Variants in LCP2 observed in about 807,000 individuals in gnomAD.
The protein encoded by LCP2 is 76 kDa tyrosine phosphoprotein.
Under a neutral mutation model 74.5 loss-of-function variants are expected in LCP2, and 29 were observed. The ratio of observed to expected loss-of-function variants is 0.39; its 90% confidence interval spans 0.29 to 0.53. The LOEUF (loss-of-function observed/expected upper bound fraction) is 0.53, where lower values mean the gene tolerates loss of function less well. Ranked by LOEUF, LCP2 falls within the 20% of genes least tolerant of loss-of-function variation. The pLI is 0.72. For synonymous variants in LCP2, 228 were observed against 229.5 expected (o/e 0.99, Z 0.06); for missense variants, 604 against 634.6 (o/e 0.95, Z 0.52).
chr5:170,264,766 T>G (rs1203642021), intron 10 of LCP2, among the ~76,000 whole-genome samples: 4 of 151,926 alleles, frequency 2.6e-5, no homozygotes, highest in Admixed American at 1.3e-4. Flanking sequence ...GTCACTGCAC[T>G]CCAGCCTAGG....
intron 5 of LCP2, among the ~76,000 whole-genome samples, chr5:170,274,758 T>C (rs1409914848): frequency 1.3e-5 from 2 of 151,972 alleles, no homozygotes; most frequent in African/African-American, 2.4e-5. Context: ...GGGCAGATCA[T>C]GAGGTCAGGA....
At chr5:170,261,654 C>T (rs1761657037) in intron 13 of LCP2, among the ~76,000 whole-genome samples, 1 of 152,178 alleles carries the variant, frequency 6.6e-6, no homozygotes, top group African/African-American at 2.4e-5. Context: ...GAAAATGTTG[C>T]TGCTTTGGGA....
chr5:170,253,346 A>G, intron 17 of LCP2, 133 bp from the exon 18 acceptor site: 1 of 530,364 alleles, frequency 1.9e-6, no homozygotes, highest in South Asian at 3.2e-5. Flanking sequence ...GCATTTTAAG[A>G]AACAAGGGCT....
chr5:170,268,537 G>T (rs901057042), intron 7 of LCP2, 55 bp from the exon 8 acceptor site: 1 of 211,590 alleles, frequency 4.7e-6, no homozygotes. Context: ...AAGCTCAGGG[G>T]TCTCCAGGAA....
At chr5:170,284,028 A>T (rs1326105566) in intron 3 of LCP2, among the ~76,000 whole-genome samples, 2 of 152,214 alleles carry the variant, frequency 1.3e-5, no homozygotes, top group Admixed American at 6.5e-5. Flanking sequence ...TGTCCTGAGG[A>T]TGAGGATTCT....
rs77242342 is a variant in LCP2, at chr5:170,285,746, C to T, written c.188+2224G>A. On this transcript the variant is annotated intron_variant, in intron 3 of 20. Transcript: ENST00000046794. ...TACTGTTGGGTAGTTCTTTTGCCAC[C>T]TACAGGTAGTCTCTCCTTTCATGCA... 5.3e-5 allele frequency among the ~76,000 whole-genome samples: 8 copies of T among 152,290 alleles called. No individual in the cohort carries two copies. The East Asian group carries it at 1.5e-3, about 29-fold the overall frequency.
intron 14 of LCP2, among the ~76,000 whole-genome samples, chr5:170,260,132 T>C (rs559431517): frequency 8.0e-4 from 122 of 152,332 alleles, no homozygotes; most frequent in South Asian, 2.1e-3. Context: ...CTCCCTATCA[T>C]TGAATGACCA....
At chr5:170,250,911 T>C (rs1281596313) in intron 19 of LCP2, 26 bp from the exon 20 acceptor site, 4 of 1,605,266 alleles carry the variant, frequency 2.5e-6, no homozygotes, top group African/African-American at 1.3e-5. Flanking sequence ...CCTGTTATTA[T>C]GGGAGCAGTA....
chr5:170,270,872 C>G lies in LCP2; in HGVS notation c.370G>C (p.Asp124His). 6.2e-7 allele frequency: 1 copy of G among 1,613,040 alleles called. No individual in the cohort carries two copies. The highest frequency in any genetic ancestry group is 8.5e-7 in the Non-Finnish European group (1 of 1,179,462). ...ESPNDDQDGE[D>H]DGDYESPNEE... ...TTGGGGGACTCATAGTCTCCATCAT[C>G]CTCCCCATCCTGGTCATCATTGGGA... Residue 124 changes from aspartate (D) to histidine (H), a missense_variant, in exon 7 of 21, where the codon GAT becomes CAT. Coordinates refer to ENST00000046794, the MANE Select transcript of LCP2 (RefSeq NM_005565.5).
At position 170,289,956 on chromosome 5, in the gene LCP2, T is replaced by A. The variant is rs6883687; in HGVS notation, c.142-1940A>T. On this transcript the variant is annotated intron_variant, in intron 2 of 20. Coordinates refer to ENST00000046794, the MANE Select transcript of LCP2 (RefSeq NM_005565.5). ...AGACGAGGGCGTAAGCTGAGGGAAT[T>A]TCAGGAAGATTGTGGAGGAGGAGGT... is the stretch of plus-strand genomic sequence containing the variant. Among the ~76,000 whole-genome samples, 276 of 152,080 alleles carry A rather than the reference T, an allele frequency of 1.8e-3. 2 individuals are homozygous for A. The highest frequency in any genetic ancestry group is 6.3e-3 in the African/African-American group (263 of 41,444).
chr5:170,254,004 T>C (rs1026025146), intron 17 of LCP2, among the ~76,000 whole-genome samples: 1 of 152,252 alleles, frequency 6.6e-6, no homozygotes, highest in Non-Finnish European at 1.5e-5. Flanking sequence ...AGAAAAATTC[T>C]GTGAGTCAAA....
intron 18 of LCP2, among the ~76,000 whole-genome samples, chr5:170,252,913 C>T (rs1761477588): frequency 6.6e-6 from 1 of 152,168 alleles, no homozygotes. Flanking sequence ...ATGCAAAACA[C>T]ATGTTTGCCA....
In LCP2 at chr5:170,256,250, G is replaced by T. The variant is rs898900526; in HGVS notation, c.1150+276C>A. Among the ~76,000 whole-genome samples, 2 of 152,084 alleles carry T rather than the reference G, an allele frequency of 1.3e-5. No individual in the cohort carries two copies. Among genetic ancestry groups the T allele is most frequent in the African/African-American group, 4.8e-5 (2 of 41,410 alleles). ...TACCTGTGTGCACATGTATATATGT[G>T]TACATGTGTATGCATGTGTGTGTGT... is the stretch of plus-strand genomic sequence containing the variant. On this transcript the variant is annotated intron_variant, in intron 17 of 20. Coordinates refer to ENST00000046794, the MANE Select transcript of LCP2 (RefSeq NM_005565.5). The surrounding 1 kb of genome is among the most constrained non-coding windows in gnomAD (Gnocchi z 4.5).
chr5:170,274,459 A>C (rs1581067860), intron 5 of LCP2, 121 bp from the exon 6 acceptor site: 2 of 961,954 alleles, frequency 2.1e-6, no homozygotes, highest in Admixed American at 2.0e-5. Context: ...GCCTCCACCT[A>C]CCTCCCACAC....
intron 3 of LCP2, among the ~76,000 whole-genome samples, chr5:170,276,911 A>C (rs1762016028): frequency 6.6e-6 from 1 of 151,850 alleles, no homozygotes; most frequent in Admixed American, 6.6e-5. Flanking sequence ...CCCCGTCTCT[A>C]CTAAAAATAC....
At position 170,262,647 on chromosome 5, in the gene LCP2, G is replaced by A; in HGVS notation, c.914C>T (p.Pro305Leu). 6.2e-7 allele frequency: 1 copy of A among 1,612,626 alleles called. No homozygotes were observed. Among genetic ancestry groups the A allele is most frequent in the Non-Finnish European group, 8.5e-7 (1 of 1,178,882 alleles). Residue 305 changes from proline (P) to leucine (L), a missense_variant, in exon 13 of 21, where the codon CCA (proline) becomes CTA (leucine). Coordinates refer to ENST00000046794, the MANE Select transcript of LCP2 (RefSeq NM_005565.5). ...ERSSPLPGKK[P>L]PVPKHGWGPD... is the part of the protein sequence containing the mutation. The stretch of plus-strand genomic sequence containing the variant: ...ACCAGACAATTACTTTGGCACAGGT[G>A]GCTTCTTCCCTGGCAGGGGGCTGCT...
In LCP2 at chr5:170,258,865, C is replaced by T; in HGVS notation, c.970+1G>A. 2 of 1,583,350 alleles carry T rather than the reference C, an allele frequency of 1.3e-6. No homozygotes were observed. The highest frequency in any genetic ancestry group is 1.7e-5 in the Admixed American group (1 of 58,126). On this transcript the variant is annotated splice_donor_variant, in intron 15 of 20. Coordinates refer to ENST00000046794, the MANE Select transcript of LCP2 (RefSeq NM_005565.5). LOFTEE classifies it high-confidence loss of function. ...CTGTAAGAATGTGTTTCCGAACATA[C>T]CATCATCTTCATCCTGGGAAGGGGA...
intron 10 of LCP2, among the ~76,000 whole-genome samples, chr5:170,264,899 G>A (rs561508134): frequency 3.9e-5 from 6 of 151,944 alleles, no homozygotes; most frequent in Non-Finnish European, 8.8e-5. Flanking sequence ...TTGGTTTGGG[G>A]TGGAACCTCT....
chr5:170,293,465 G>A (rs980202160), intron 1 of LCP2, 93 bp from the exon 2 acceptor site: 21 of 1,244,214 alleles, frequency 1.7e-5, no homozygotes, highest in African/African-American at 6.0e-5. Flanking sequence ...AGCACTTTGC[G>A]GTACTTGTGG....
Sources: allele counts gnomAD v4.1 joint callset (sites outside exome capture counted in the v4.1 genomes callset), GRCh38; gene constraint gnomAD v4.1.1; non-coding constraint Gnocchi (gnomAD v3.1); transcripts MANE v1.5; gene names NCBI Gene and HGNC (gene_info 2026-07-23, HGNC 2026-07-21).